The following ADAP1 variants were observed in gnomAD, a reference collection of about 807,000 sequenced individuals.
ADAP1 encodes ArfGAP with dual PH domains 1.
In ADAP1, 31 loss-of-function variants were observed where a neutral mutation model predicts 54.9. That is an observed-to-expected ratio of 0.56 (90% CI 0.42 to 0.76). The LOEUF (loss-of-function observed/expected upper bound fraction) is 0.76. ADAP1 is among the 30% of genes least tolerant of loss of function. The pLI is 0.00. For synonymous variants in ADAP1, 313 were observed against 202.6 expected, an observed-to-expected ratio of 1.55 and a Z score of -4.63; for missense variants, 535 against 512.4, an observed-to-expected ratio of 1.04 and a Z score of -0.42.
Position 922,420 on chromosome 7 carries a change from G to A in ADAP1, c.306-2370C>T, listed in dbSNP as rs1846223207. Among the ~76,000 whole-genome samples the A allele has an allele frequency of 2.0e-5, 3 of 152,160 alleles. No homozygotes were observed. In the South Asian group the frequency reaches 6.2e-4, roughly 31 times the overall value. On this transcript the variant is annotated intron_variant, in intron 3 of 10. Coordinates refer to ENST00000265846, the MANE Select transcript of ADAP1 (RefSeq NM_006869.4). The stretch of plus-strand genomic sequence containing the variant: ...CTCAGGGCGACTGCCTCCCCTAGGT[G>A]TGGACTCACAGGGGAAGACGCTCTG...
intron 3 of ADAP1, among the ~76,000 whole-genome samples, chr7:922,430 A>G (rs1399289224): frequency 6.6e-6 from 1 of 152,074 alleles, no homozygotes; most frequent in East Asian, 1.9e-4. Context: ...GTGGACTCAC[A>G]GGGGAAGACG....
chr7:923,300 T>C (rs1473939172), intron 3 of ADAP1: 1 of 151,824 alleles, frequency 6.6e-6, no homozygotes, highest in African/African-American at 2.4e-5. Context: ...AGGGCTTCGC[T>C]GGGATGGGCA....
At chr7:900,066 C>T (rs2128632600) in intron 8 of ADAP1, 36 bp downstream of exon 8, 8 of 1,611,504 alleles carry the variant, frequency 5.0e-6, no homozygotes, top group East Asian at 2.2e-5. Flanking sequence ...ATGGCGTACC[C>T]CAGGCCACCC....
At chr7:924,159 C>T (rs376357521) in intron 3 of ADAP1, among the ~76,000 whole-genome samples, 159 of 67,068 alleles carry the variant, frequency 2.4e-3, no homozygotes, top group East Asian at 0.02. Flanking sequence ...TGCAGGTCCA[C>T]GCTGCACCCC....
chr7:933,158 C>G (rs1379141371), intron 2 of ADAP1, among the ~76,000 whole-genome samples: 2 of 151,990 alleles, frequency 1.3e-5, no homozygotes, highest in Admixed American at 1.3e-4. Flanking sequence ...GCAATCCCAG[C>G]CACTCGGGAG....
In ADAP1 at chr7:917,310, C is replaced by T. The variant is rs1483661580; in HGVS notation, c.388+2658G>A. ...CCGGGGAGGTGCACGGGAGGGGGGG[C>T]GCAGTGCCAGCTCTACCGGGGAGGT... On this transcript the variant is annotated intron_variant, in intron 4 of 10. Coordinates refer to ENST00000265846, the MANE Select transcript of ADAP1 (RefSeq NM_006869.4). Among the ~76,000 whole-genome samples the T allele has an allele frequency of 3.2e-3, 229 of 71,946 alleles. 9 individuals carry two copies. The highest frequency in any genetic ancestry group is 0.013 in the African/African-American group (210 of 15,910). The allele number at this position is 71,946 out of a possible 152,430, so 47.2% of individuals were successfully genotyped here.
At chr7:900,872 C>T (rs937638084) in intron 6 of ADAP1, 8 of 177,160 alleles carry the variant, frequency 4.5e-5, no homozygotes, top group East Asian at 1.5e-4. Context: ...TGAGAAGGGC[C>T]GAAGGGCCGA....
At chr7:917,377 T>C (rs6974464) in intron 4 of ADAP1, among the ~76,000 whole-genome samples, 64,263 of 137,034 alleles carry the variant, frequency 0.47, 15,417 homozygotes, top group East Asian at 0.65. Flanking sequence ...CAGGGAGGGC[T>C]GGGAGGGGTT....
chr7:912,256 A>G (rs66844347), intron 4 of ADAP1, among the ~76,000 whole-genome samples: 65,912 of 152,052 alleles, frequency 0.43, 14,933 homozygotes, highest in East Asian at 0.64. Flanking sequence ...TCTCAGCGAG[A>G]CCAGGGCCTG....
In ADAP1 at chr7:920,912, C is replaced by T; in HGVS notation, c.306-862G>A. 2 of 1,530,870 alleles carry T rather than the reference C, an allele frequency of 1.3e-6. No homozygotes were observed. The highest frequency in any genetic ancestry group is 2.5e-5 in the East Asian group (1 of 40,784). The allele number at this position is 1,530,870 out of a possible 1,614,324, so 94.8% of individuals were successfully genotyped here. On this transcript the variant is annotated intron_variant, in intron 3 of 10. Coordinates refer to ENST00000265846, the MANE Select transcript of ADAP1 (RefSeq NM_006869.4). This position sits in a 1 kb window ranked among gnomAD's most constrained non-coding sequence, Gnocchi z 4.5. ...TACGCGGCAAAGAACAAATAGGAAC[C>T]CTGTGGCTTCCTGCTGGGCCCACGT...
At chr7:909,127 TC>T (rs1845603970) in intron 4 of ADAP1, among the ~76,000 whole-genome samples, 49 of 144,428 alleles carry the variant, frequency 3.4e-4, no homozygotes, top group Admixed American at 3.4e-3. Flanking sequence ...ACCCCGGTCC[TC>T]CCGACAGCAG....
At chr7:918,323 G>T (rs1400837224) in intron 4 of ADAP1, among the ~76,000 whole-genome samples, 2 of 152,174 alleles carry the variant, frequency 1.3e-5, no homozygotes, top group African/African-American at 4.8e-5. Flanking sequence ...CGTAAGGGCT[G>T]CTCCTGCCTC....
intron 3 of ADAP1, among the ~76,000 whole-genome samples, chr7:921,383 G>A (rs1281304200): frequency 6.6e-6 from 1 of 152,246 alleles, no homozygotes; most frequent in Non-Finnish European, 1.5e-5. Flanking sequence ...GCACAGTGGT[G>A]CGATCACAGC....
At chr7:943,881 GGAGAA>G (rs1266344184) in intron 1 of ADAP1, among the ~76,000 whole-genome samples, 1 of 150,862 alleles carries the variant, frequency 6.6e-6, no homozygotes, top group South Asian at 2.1e-4. Flanking sequence ...AGAGAGAAGA[GGAGAA>G]AGAGAGAAAT....
chr7:919,011 GGGAGACCGAGGC>G (rs2128104164), intron 4 of ADAP1, among the ~76,000 whole-genome samples: 1 of 152,300 alleles, frequency 6.6e-6, no homozygotes, highest in African/African-American at 2.4e-5. Flanking sequence ...GGCTGGGGTG[GGGAGACCGAGGC>G]TGGGGTGGGC....
chr7:925,342 G>A (rs574386078), intron 3 of ADAP1, among the ~76,000 whole-genome samples: 1 of 146,450 alleles, frequency 6.8e-6, no homozygotes, highest in African/African-American at 2.6e-5. Flanking sequence ...GCAATGTAGG[G>A]AGACCCCGTC....
Position 926,149 on chromosome 7 carries a change from A to G in ADAP1, c.305+404T>C, listed in dbSNP as rs1472363618. On this transcript the variant is annotated intron_variant, in intron 3 of 10. Coordinates refer to ENST00000265846, the MANE Select transcript of ADAP1 (RefSeq NM_006869.4). The surrounding 1 kb of genome is among the most constrained non-coding windows in gnomAD (Gnocchi z 4.6). ...GAGGACTGGGTCTCAGGCTTCCCCA[A>G]CCGGCCACCGGTACCCACGTCCGCT... Among the ~76,000 whole-genome samples, 4 of 151,854 alleles carry G rather than the reference A, an allele frequency of 2.6e-5. No individual in the cohort carries two copies. The highest frequency in any genetic ancestry group is 4.4e-5 in the Non-Finnish European group (3 of 67,920).
In ADAP1 at chr7:920,058, G is replaced by A. The variant is rs1562925820; in HGVS notation, c.306-8C>T. 8 of 1,604,432 alleles carry A rather than the reference G, an allele frequency of 5.0e-6. No homozygotes were observed. The South Asian group carries it at 7.7e-5, about 15-fold the overall frequency. On this transcript the variant is annotated splice_region_variant and splice_polypyrimidine_tract_variant and intron_variant, in intron 3 of 10. Transcript: ENST00000265846. This position sits in a 1 kb window ranked among gnomAD's most constrained non-coding sequence, Gnocchi z 4.5. ...CACTGCTCTCGAAGGAGCCTGTGGG[G>A]AGAGGAGAGACTGAGCCACTGGGCC... is the stretch of plus-strand genomic sequence containing the variant.
At chr7:939,168 C>T (rs544832133) in intron 1 of ADAP1, among the ~76,000 whole-genome samples, 7 of 152,254 alleles carry the variant, frequency 4.6e-5, no homozygotes, top group African/African-American at 1.2e-4. Context: ...CTTTTGTGAG[C>T]GGTCGTTGAC....
Sources: gnomAD v4.1 joint callset for allele counts (sites outside exome capture counted in the v4.1 genomes callset) on GRCh38, gnomAD v4.1.1 for gene constraint, Gnocchi (gnomAD v3.1) non-coding constraint, MANE v1.5 for transcripts, NCBI Gene and HGNC (gene_info 2026-07-23, HGNC 2026-07-21) for gene names.